SAP130: variants seen among roughly 807,000 people sequenced by gnomAD.
SAP130 encodes the protein Sin3A associated protein 130.
Under a neutral mutation model 103.2 loss-of-function variants are expected in SAP130, and 16 were observed. That is an observed-to-expected ratio of 0.16 (90% confidence interval 0.10 to 0.24). SAP130 has a LOEUF of 0.24. Ranked by LOEUF, SAP130 falls within the 10% of genes least tolerant of loss-of-function variation. The pLI is 1.00. For missense variants in SAP130, 990 were observed against 1,359.7 expected (o/e 0.73, Z 4.28); for synonymous variants, 477 against 497.0 (o/e 0.96, Z 0.53).
At chr2:127,962,313 G>A (rs978503007) in intron 15 of SAP130, among the ~76,000 whole-genome samples, 2 of 152,124 alleles carry the variant, frequency 1.3e-5, no homozygotes, top group African/African-American at 4.8e-5. Flanking sequence ...CTTGACCTGT[G>A]AACTACTTGT....
At chr2:128,010,796 A>G (rs2105165835) in intron 6 of SAP130, among the ~76,000 whole-genome samples, 1 of 152,038 alleles carries the variant, frequency 6.6e-6, no homozygotes, top group African/African-American at 2.4e-5. Context: ...CCTGGGAGGC[A>G]GAGGTTGCAG....
chr2:128,009,184 A>G (rs1056110607), intron 7 of SAP130, among the ~76,000 whole-genome samples: 1 of 151,894 alleles, frequency 6.6e-6, no homozygotes, highest in Non-Finnish European at 1.5e-5. Context: ...TTCAAAATCT[A>G]CCCAGGGCCA....
At position 127,989,493 on chromosome 2, in the gene SAP130, C is replaced by G; in HGVS notation, c.1780+71G>C. The G allele has an allele frequency of 7.4e-7, 1 of 1,347,718 alleles. No individual in the cohort carries two copies. The highest frequency in any genetic ancestry group is 1.0e-6 in the Non-Finnish European group (1 of 979,472). The allele number at this position is 1,347,718 out of a possible 1,614,324, so 83.5% of individuals were successfully genotyped here. On this transcript the variant is annotated intron_variant, in intron 13 of 20. Coordinates refer to ENST00000643581, the MANE Select transcript of SAP130 (RefSeq NM_001330301.2). This position sits in a 1 kb window ranked among gnomAD's most constrained non-coding sequence, Gnocchi z 4.6. ...AATTATAAGACGACAAAGCCAGTGG[C>G]AGAGAAAGGATTTAAACCCAAATGT...
At chr2:128,018,238 A>G (rs2105217465) in intron 2 of SAP130, among the ~76,000 whole-genome samples, 1 of 151,890 alleles carries the variant, frequency 6.6e-6, no homozygotes, top group South Asian at 2.1e-4. Context: ...TCCTCTTAGA[A>G]AGTTATAAAA....
chr2:127,980,247 A>G (rs559038537), intron 14 of SAP130, among the ~76,000 whole-genome samples: 2 of 152,292 alleles, frequency 1.3e-5, no homozygotes, highest in African/African-American at 4.8e-5. Flanking sequence ...AGCAAGACCA[A>G]CTGCATTGCT....
intron 15 of SAP130, among the ~76,000 whole-genome samples, chr2:127,956,746 G>C (rs933944313): frequency 1.3e-5 from 2 of 151,400 alleles, no homozygotes; most frequent in Non-Finnish European, 2.9e-5. Flanking sequence ...CAGTCTTGTG[G>C]GACTGAGCCC....
intron 15 of SAP130, among the ~76,000 whole-genome samples, chr2:127,975,408 A>C (rs189435452): frequency 6.6e-6 from 1 of 152,344 alleles, no homozygotes; most frequent in East Asian, 1.9e-4. Context: ...TAAGACCTAG[A>C]CTTGTAAAAA....
At chr2:128,018,549 T>G (rs1203485836) in intron 2 of SAP130, among the ~76,000 whole-genome samples, 1 of 150,598 alleles carries the variant, frequency 6.6e-6, no homozygotes, top group African/African-American at 2.5e-5. Flanking sequence ...CCTAGCATTT[T>G]GAGAGGCCAA....
chr2:128,010,208 GAA>G, intron 7 of SAP130, 59 bp downstream of exon 7: 2 of 1,531,438 alleles, frequency 1.3e-6, no homozygotes, highest in Non-Finnish European at 1.8e-6. Flanking sequence ...AGGAACGAAA[GAA>G]AAAAGAGTGA....
chr2:127,974,539 C>T (rs1024759037), intron 15 of SAP130, among the ~76,000 whole-genome samples: 3 of 152,102 alleles, frequency 2.0e-5, no homozygotes, highest in South Asian at 2.1e-4. Flanking sequence ...TCTGGCCGGG[C>T]GCGGTGGTGC....
In SAP130 at chr2:127,947,534, T is replaced by C. The variant is rs191218913; in HGVS notation, c.2798-1975A>G. On this transcript the variant is annotated intron_variant, in intron 18 of 20. Transcript: ENST00000643581. ...GTCTGGTGTTGATAGCATGAAAATA[T>C]TGGCTTCATAAAATAAATTTGGAAT... 3.9e-5 allele frequency among the ~76,000 whole-genome samples: 6 copies of C among 152,332 alleles called. No homozygotes were observed. In the East Asian group the frequency reaches 9.6e-4, roughly 24 times the overall value.
rs1047751608 is a variant in SAP130, at chr2:127,942,674, G to C, written c.2902-137C>G. 3 of 624,020 alleles carry C rather than the reference G, an allele frequency of 4.8e-6. No homozygotes were observed. Among genetic ancestry groups the C allele is most frequent in the Non-Finnish European group, 5.7e-6 (2 of 350,432 alleles). 38.7% of individuals were successfully genotyped at this position (624,020 alleles called of 1,614,324 possible). A position where few individuals can be genotyped will look rare whatever the true frequency, so the allele number is the denominator to read the frequency against. ...GGGTGACAACGTCCTTTCTCCTAAG[G>C]ACTAAGATACTAAGGTTTAAAAACA... On this transcript the variant is annotated intron_variant, in intron 19 of 20. Coordinates refer to ENST00000643581, the MANE Select transcript of SAP130 (RefSeq NM_001330301.2). This position sits in a 1 kb window ranked among gnomAD's most constrained non-coding sequence, Gnocchi z 4.8.
At chr2:128,008,582 G>A (rs1223333259) in intron 7 of SAP130, among the ~76,000 whole-genome samples, 1 of 150,260 alleles carries the variant, frequency 6.7e-6, no homozygotes, top group Non-Finnish European at 1.5e-5. Flanking sequence ...TGTTGCTGGG[G>A]CTGGTCTTGA....
intron 7 of SAP130, 70 bp from the exon 8 acceptor site, chr2:128,000,524 C>A: frequency 6.4e-7 from 1 of 1,565,984 alleles, no homozygotes. Flanking sequence ...GTTAGTCATG[C>A]AAGTTATACT....
chr2:127,975,460 G>C (rs1311496982), intron 15 of SAP130, among the ~76,000 whole-genome samples: 1 of 152,188 alleles, frequency 6.6e-6, no homozygotes, highest in East Asian at 1.9e-4. Flanking sequence ...AATATAAAAA[G>C]GAAGGTAAAG....
chr2:127,946,144 G>A (rs1449453469), intron 18 of SAP130, among the ~76,000 whole-genome samples: 1 of 152,110 alleles, frequency 6.6e-6, no homozygotes, highest in African/African-American at 2.4e-5. Context: ...CAAACATTTT[G>A]CCGGAAGAAG....
At chr2:127,963,975 G>C (rs898223006) in intron 15 of SAP130, among the ~76,000 whole-genome samples, 1 of 152,132 alleles carries the variant, frequency 6.6e-6, no homozygotes, top group African/African-American at 2.4e-5. Context: ...GATAGTGTTA[G>C]GCAGGCAAAC....
At chr2:128,002,728 A>G (rs1227798802) in intron 7 of SAP130, among the ~76,000 whole-genome samples, 1 of 152,034 alleles carries the variant, frequency 6.6e-6, no homozygotes, top group African/African-American at 2.4e-5. Context: ...TTGAAAACTA[A>G]AACAAAAAAC....
chr2:127,956,127 C>T (rs1358854464), intron 15 of SAP130, among the ~76,000 whole-genome samples: 2 of 151,514 alleles, frequency 1.3e-5, no homozygotes, highest in Admixed American at 6.6e-5. Context: ...ATCAACCATT[C>T]CTGTATAAAT....
Sources: allele counts gnomAD v4.1 joint callset (sites outside exome capture counted in the v4.1 genomes callset), GRCh38; gene constraint gnomAD v4.1.1; non-coding constraint Gnocchi (gnomAD v3.1); transcripts MANE v1.5; gene names NCBI Gene and HGNC (gene_info 2026-07-23, HGNC 2026-07-21).